Variants in DUSP18 observed in about 807,000 individuals in gnomAD.
DUSP18 encodes dual specificity phosphatase 18.
A neutral mutation model predicts 6.3 loss-of-function variants in DUSP18; 4 were observed. The observed-to-expected ratio is 0.63, with a 90% confidence interval of 0.31 to 1.45. The LOEUF (loss-of-function observed/expected upper bound fraction) is 1.45, where lower values mean the gene tolerates loss of function less well. Ranked by LOEUF, DUSP18 falls within the 40% of genes most tolerant of loss-of-function variation. The pLI, the probability that DUSP18 is intolerant of heterozygous loss-of-function variation, is 0.07. For missense variants in DUSP18, 235 were observed against 247.7 expected (o/e 0.95, Z 0.34); for synonymous variants, 96 against 95.1 (o/e 1.01, Z -0.05).
At chr22:30,664,113 G>T in intron 1 of DUSP18, 33 bp from the exon 2 acceptor site, 1 of 1,057,964 alleles carries the variant, frequency 9.5e-7, no homozygotes, top group Non-Finnish European at 1.4e-6. Context: ...TAGAGGGCAG[G>T]TGCCCAGAGG....
chr22:30,666,691 T>C (rs2088685020), intron 1 of DUSP18: 1 of 144,228 alleles, frequency 6.9e-6, no homozygotes, highest in Admixed American at 6.9e-5. Context: ...GATACTGAAA[T>C]GTACAAGACA....
At chr22:30,657,944 A>G (rs2088378433), downstream of DUSP18, among the ~76,000 whole-genome samples, 1 of 147,390 alleles carries the variant, frequency 6.8e-6, no homozygotes, top group Non-Finnish European at 1.5e-5. Flanking sequence ...AATAATAATA[A>G]TAATAATAAT....
At chr22:30,657,485 G>A (rs972636846), downstream of DUSP18, among the ~76,000 whole-genome samples, 18 of 150,546 alleles carry the variant, frequency 1.2e-4, no homozygotes, top group African/African-American at 4.4e-4. Context: ...CTGGCCGGGT[G>A]TAGTGGGTCG....
intron 2 of DUSP18, chr22:30,654,770 G>T: frequency 4.1e-6 from 1 of 241,674 alleles, no homozygotes; most frequent in South Asian, 4.7e-5. Context: ...GGAAGCCCAG[G>T]AGATAGCTTT....
Position 30,663,290 on chromosome 22 carries a change from G to T in DUSP18, c.*147C>A. 1 of 780,726 alleles carries T rather than the reference G, an allele frequency of 1.3e-6. No individual in the cohort carries two copies. The highest frequency in any genetic ancestry group is 2.0e-6 in the Non-Finnish European group (1 of 500,522). The allele number at this position is 780,726 out of a possible 1,614,324, so 48.4% of individuals were successfully genotyped here. ...AAAAAAATGGATTATAAAGTTAAAA[G>T]CTACAGCAACTCTTTTTTGTGCTCA... On this transcript the variant is annotated 3_prime_UTR_variant, in exon 2 of 2. Coordinates refer to ENST00000334679, the MANE Select transcript of DUSP18 (RefSeq NM_152511.5).
Position 30,663,419 on chromosome 22 carries a change from A to G in DUSP18, c.*18T>C, listed in dbSNP as rs1362394249. Reference sequence around the variant, plus strand: ...AGATCTGTACCTCTGACTCCAATGCAGGGGCTCGTGGGATGGCTCACAGTG... The same window carrying G: ...AGATCTGTACCTCTGACTCCAATGCGGGGGCTCGTGGGATGGCTCACAGTG... On this transcript the variant is annotated 3_prime_UTR_variant, in exon 2 of 2. Transcript: ENST00000334679. 1.3e-6 allele frequency: 2 copies of G among 1,592,994 alleles called. No individual in the cohort carries two copies. The highest frequency in any genetic ancestry group is 2.7e-5 in the African/African-American group (2 of 74,758).
At chr22:30,666,610 A>T (rs1446778877) in intron 1 of DUSP18, among the ~76,000 whole-genome samples, 2 of 105,758 alleles carry the variant, frequency 1.9e-5, no homozygotes, top group South Asian at 7.2e-4. Flanking sequence ...AGACAGCGTG[A>T]GACTCCATCT....
At chr22:30,664,351 A>T (rs1333887735) in intron 1 of DUSP18, among the ~76,000 whole-genome samples, 3 of 152,230 alleles carry the variant, frequency 2.0e-5, no homozygotes, top group Non-Finnish European at 4.4e-5. Flanking sequence ...ACAAATGGCA[A>T]GTCCCCAAGT....
chr22:30,666,832 C>T (rs1008582803), intron 1 of DUSP18: 1 of 152,060 alleles, frequency 6.6e-6, no homozygotes, highest in Non-Finnish European at 1.5e-5. Flanking sequence ...TGAAATTAAA[C>T]GAGATAATCC....
chr22:30,666,772 C>T (rs2088687361), intron 1 of DUSP18: 1 of 151,990 alleles, frequency 6.6e-6, no homozygotes, highest in Non-Finnish European at 1.5e-5. Context: ...CAATTACAGG[C>T]AGACAGAGCT....
intron 1 of DUSP18, chr22:30,667,069 C>T (rs2088699671): frequency 6.6e-6 from 1 of 152,164 alleles, no homozygotes; most frequent in East Asian, 1.9e-4. Context: ...AAAATAGCAA[C>T]TCGGTAGCAG....
At position 30,662,449 on chromosome 22, in the gene DUSP18, T is replaced by G. The variant is rs1417378806; in HGVS notation, c.*988A>C. 1 of 152,212 alleles carries G rather than the reference T, an allele frequency of 6.6e-6. No homozygotes were observed. Among genetic ancestry groups the G allele is most frequent in the African/African-American group, 2.4e-5 (1 of 41,454 alleles). 9.4% of individuals were successfully genotyped at this position (152,212 alleles called of 1,614,324 possible). ...TCTCATGTGCCCTGGAGAAGGGGAC[T>G]AACACCATCTTTTGCCAAAGTTTGG... On this transcript the variant is annotated 3_prime_UTR_variant, in exon 2 of 2. Coordinates refer to ENST00000334679, the MANE Select transcript of DUSP18 (RefSeq NM_152511.5).
downstream of DUSP18, among the ~76,000 whole-genome samples, chr22:30,658,983 G>A (rs1267569370): frequency 6.6e-6 from 1 of 151,996 alleles, no homozygotes; most frequent in Non-Finnish European, 1.5e-5. Context: ...TCTCTACTAG[G>A]CATGGTGGCG....
chr22:30,658,603 C>T (rs2088394892), downstream of DUSP18, among the ~76,000 whole-genome samples: 1 of 151,860 alleles, frequency 6.6e-6, no homozygotes, highest in South Asian at 2.1e-4. Context: ...CTAAAGGACC[C>T]AATTTCTAGC....
chr22:30,653,739 TTGTA>T (rs1369151387), intron 2 of DUSP18: 10 of 152,114 alleles, frequency 6.6e-5, no homozygotes, highest in Non-Finnish European at 2.9e-5. Flanking sequence ...GAATTTCTGT[TTGTA>T]TGTTTAGACT....
In DUSP18 at chr22:30,664,047, C is replaced by T; in HGVS notation, c.-44G>A. 1 of 1,528,710 alleles carries T rather than the reference C, an allele frequency of 6.5e-7. No individual in the cohort carries two copies. Among genetic ancestry groups the T allele is most frequent in the Non-Finnish European group, 8.9e-7 (1 of 1,123,170 alleles). The allele number at this position is 1,528,710 out of a possible 1,614,324, so 94.7% of individuals were successfully genotyped here. A position where few individuals can be genotyped will look rare whatever the true frequency, so the allele number is the denominator to read the frequency against. On this transcript the variant is annotated 5_prime_UTR_variant, in exon 2 of 2. Coordinates refer to ENST00000334679, the MANE Select transcript of DUSP18 (RefSeq NM_152511.5). ...GTCAGCAGTCAGCGAAGCACGAAGGCTGCGTCTTTCTGCTAGGCTGTGTCC... is the reference window on the plus strand; with the variant it reads ...GTCAGCAGTCAGCGAAGCACGAAGGTTGCGTCTTTCTGCTAGGCTGTGTCC...
chr22:30,661,186 T>A (rs1263371614), downstream of DUSP18, among the ~76,000 whole-genome samples: 1 of 151,842 alleles, frequency 6.6e-6, no homozygotes, highest in East Asian at 1.9e-4. Flanking sequence ...GGAAAAAAAA[T>A]CTACAATAGC....
intron 1 of DUSP18, chr22:30,665,427 G>T (rs1043434510): frequency 2.3e-6 from 1 of 442,446 alleles, no homozygotes; most frequent in Admixed American, 2.5e-5. Context: ...GGGACAACCT[G>T]TCCTCTCCAG....
At chr22:30,656,812 A>G (rs537648902), downstream of DUSP18, among the ~76,000 whole-genome samples, 1 of 152,308 alleles carries the variant, frequency 6.6e-6, no homozygotes, top group African/African-American at 2.4e-5. Context: ...ATATTTAAAA[A>G]GAGAGTTAAA....
Sources: gnomAD v4.1 joint callset for allele counts (sites outside exome capture counted in the v4.1 genomes callset) on GRCh38, gnomAD v4.1.1 for gene constraint, MANE v1.5 for transcripts, NCBI Gene and HGNC (gene_info 2026-07-23, HGNC 2026-07-21) for gene names.